The following THSD7A variants were observed in gnomAD, a reference collection of about 807,000 sequenced individuals.
The protein encoded by THSD7A is thrombospondin type-1 domain-containing protein 7A.
A neutral mutation model predicts 231.3 loss-of-function variants in THSD7A; 96 were observed. That is an observed-to-expected ratio of 0.41 (90% CI 0.35 to 0.49). The LOEUF is 0.49. Ranked by LOEUF, THSD7A falls within the 20% of genes least tolerant of loss-of-function variation. The pLI, the probability that THSD7A is intolerant of heterozygous loss-of-function variation, is 0.05. For synonymous variants in THSD7A, 940 were observed against 743.3 expected (o/e 1.26, Z -4.30); for missense variants, 2,290 against 2,070.2 (o/e 1.11, Z -2.06).
At chr7:11,818,640 G>A (rs1784781571) in intron 1 of THSD7A, among the ~76,000 whole-genome samples, 1 of 152,140 alleles carries the variant, frequency 6.6e-6, no homozygotes, top group African/African-American at 2.4e-5. Flanking sequence ...GCAAAGCAAG[G>A]AAAAGTAGAT....
Position 11,637,866 on chromosome 7 carries a change from G to A in THSD7A, c.191-905C>T, listed in dbSNP as rs1282118769. 6.6e-6 allele frequency among the ~76,000 whole-genome samples: 1 copy of A among 152,044 alleles called. No homozygotes were observed. Among genetic ancestry groups the A allele is most frequent in the Non-Finnish European group, 1.5e-5 (1 of 68,036 alleles). On this transcript the variant is annotated intron_variant, in intron 1 of 27. Transcript: ENST00000423059. This position sits in a 1 kb window ranked among gnomAD's most constrained non-coding sequence, Gnocchi z 4.2. The stretch of plus-strand genomic sequence containing the variant: ...TCTAAGGTAGATGATATGATTTTCA[G>A]TACTTTAATAGACAGATCCCAATTT...
At position 11,832,080 on chromosome 7, in the gene THSD7A, GAGGGAGAGCGCGTCTAACACC is replaced by G. The variant is rs1258136895; in HGVS notation, c.-155_-135del. 1.7e-6 allele frequency: 1 copy of G among 574,030 alleles called. No homozygotes were observed. Among genetic ancestry groups the G allele is most frequent in the Admixed American group, 4.7e-5 (1 of 21,262 alleles). The allele number at this position is 574,030 out of a possible 1,614,324, so 35.6% of individuals were successfully genotyped here. On this transcript the variant is annotated 5_prime_UTR_variant, in exon 1 of 28. An upstream open reading frame in the 5' UTR loses its in-frame stop. Transcript: ENST00000423059. ...GCTATTGTTCGCTTCAGATGAGAAG[GAGGGAGAGCGCGTCTAACACC>G]AGGGAACAATAGCGTCCGCGGTGGT...
chr7:11,545,045 AT>A (rs1221125820), intron 4 of THSD7A, among the ~76,000 whole-genome samples: 2 of 152,198 alleles, frequency 1.3e-5, no homozygotes, highest in African/African-American at 4.8e-5. Context: ...CTCTCTGAAT[AT>A]AAAAAACTTG....
At chr7:11,496,943 T>G (rs557934127) in intron 6 of THSD7A, among the ~76,000 whole-genome samples, 2 of 152,242 alleles carry the variant, frequency 1.3e-5, no homozygotes, top group Admixed American at 1.3e-4. Flanking sequence ...AGTCCAGAAA[T>G]TAAGCTATCC....
rs529438445 is a variant in THSD7A, at chr7:11,760,562, C to A, written c.190+71195G>T. On this transcript the variant is annotated intron_variant, in intron 1 of 27. Coordinates refer to ENST00000423059, the MANE Select transcript of THSD7A (RefSeq NM_015204.3). ...TTCTTGTTCGCTGAGCTTCCAGGAA[C>A]AATTGCAGAACACCAGCCTCACAGG... Among the ~76,000 whole-genome samples the A allele has an allele frequency of 1.8e-3, 268 of 152,164 alleles. 2 individuals are homozygous for A. Among genetic ancestry groups the A allele is most frequent in the African/African-American group, 6.1e-3 (254 of 41,524 alleles).
At chr7:11,467,287 T>C (rs952917418) in intron 9 of THSD7A, among the ~76,000 whole-genome samples, 1 of 152,148 alleles carries the variant, frequency 6.6e-6, no homozygotes, top group Non-Finnish European at 1.5e-5. Flanking sequence ...TCTGACATGA[T>C]TATTCCATTC....
rs1583625119 is a variant in THSD7A at position 11,374,454 on chromosome 7, T to A, written c.*1340A>T. 6.6e-6 allele frequency: 1 copy of A among 152,102 alleles called. No homozygotes were observed. Among genetic ancestry groups the A allele is most frequent in the African/African-American group, 2.4e-5 (1 of 41,432 alleles). 9.4% of individuals were successfully genotyped at this position (152,102 alleles called of 1,614,324 possible). A position where few individuals can be genotyped will look rare whatever the true frequency, so the allele number is the denominator to read the frequency against. On this transcript the variant is annotated 3_prime_UTR_variant, in exon 28 of 28. Coordinates refer to ENST00000423059, the MANE Select transcript of THSD7A (RefSeq NM_015204.3). ...TTTGCCAGTGAGAAAGGCAAAAGAC[T>A]ATGGATTTTGAAATAACTGCCTGCA...
At chr7:11,535,673 G>A (rs925882447) in intron 6 of THSD7A, among the ~76,000 whole-genome samples, 20 of 152,082 alleles carry the variant, frequency 1.3e-4, no homozygotes, top group Middle Eastern at 3.4e-3. Flanking sequence ...ATGGAAAAAC[G>A]ATTCAGTTAT....
intron 1 of THSD7A, among the ~76,000 whole-genome samples, chr7:11,802,400 T>A (rs1784301047): frequency 6.6e-6 from 1 of 152,132 alleles, no homozygotes; most frequent in Non-Finnish European, 1.5e-5. Flanking sequence ...ACAACATCTG[T>A]GTGTTGAAGG....
At chr7:11,726,479 T>C (rs908758303) in intron 1 of THSD7A, among the ~76,000 whole-genome samples, 11 of 152,040 alleles carry the variant, frequency 7.2e-5, no homozygotes, top group African/African-American at 2.4e-4. Context: ...GATTTCCCTT[T>C]TGCCCACTTT....
intron 6 of THSD7A, among the ~76,000 whole-genome samples, chr7:11,518,794 C>G (rs1788144586): frequency 6.6e-6 from 1 of 152,018 alleles, no homozygotes; most frequent in African/African-American, 2.4e-5. Context: ...ACAAAATGAA[C>G]ACATGTGAAA....
At chr7:11,535,198 T>C (rs1001708479) in intron 6 of THSD7A, among the ~76,000 whole-genome samples, 8 of 152,150 alleles carry the variant, frequency 5.3e-5, no homozygotes, top group Non-Finnish European at 8.8e-5. Flanking sequence ...TAAAATTATA[T>C]AGAAAATCCT....
chr7:11,502,105 C>G (rs761218821), intron 6 of THSD7A, among the ~76,000 whole-genome samples: 4 of 152,020 alleles, frequency 2.6e-5, no homozygotes, highest in African/African-American at 7.2e-5. Flanking sequence ...TTGAAAAGAC[C>G]AATAATGAGC....
intron 1 of THSD7A, among the ~76,000 whole-genome samples, chr7:11,791,214 C>G (rs897029591): frequency 6.6e-6 from 1 of 151,940 alleles, no homozygotes; most frequent in African/African-American, 2.4e-5. Context: ...TTTGAGATTA[C>G]AGTCTAAAAT....
intron 2 of THSD7A, among the ~76,000 whole-genome samples, chr7:11,595,920 G>A (rs1189991550): frequency 6.6e-6 from 1 of 152,226 alleles, no homozygotes; most frequent in East Asian, 1.9e-4. Context: ...CTCATGTAGA[G>A]CTCTGGCATT....
chr7:11,416,909 G>A (rs774143723), intron 17 of THSD7A, among the ~76,000 whole-genome samples: 1 of 152,156 alleles, frequency 6.6e-6, no homozygotes, highest in Non-Finnish European at 1.5e-5. Flanking sequence ...CAGAGTCAGT[G>A]TGTAAAGAGA....
At position 11,634,435 on chromosome 7, in the gene THSD7A, T is replaced by C. The variant is rs201983828; in HGVS notation, c.1022+1695A>G. On this transcript the variant is annotated intron_variant, in intron 2 of 27. Transcript: ENST00000423059. The surrounding 1 kb of genome is among the most constrained non-coding windows in gnomAD (Gnocchi z 4.1). ...TGATAGCAGGAAACAACTCAACTTG[T>C]CTTGGAGACTCATTCAATTATTTGA... Among the ~76,000 whole-genome samples, 9 of 152,320 alleles carry C rather than the reference T, an allele frequency of 5.9e-5. No homozygotes were observed. The East Asian group carries it at 1.7e-3, about 29-fold the overall frequency.
At chr7:11,733,101 C>T (rs1339699623) in intron 1 of THSD7A, among the ~76,000 whole-genome samples, 1 of 151,800 alleles carries the variant, frequency 6.6e-6, no homozygotes, top group East Asian at 1.9e-4. Context: ...AAGTCAACCC[C>T]ATCTCATGTT....
At chr7:11,540,345 C>G (rs12699205) in intron 6 of THSD7A, among the ~76,000 whole-genome samples, 24,428 of 152,110 alleles carry the variant, frequency 0.16, 1,980 homozygotes, top group Admixed American at 0.18. Context: ...GTCTGTCAGT[C>G]TCCCACACCA....
Sources: gnomAD v4.1 joint callset for allele counts (sites outside exome capture counted in the v4.1 genomes callset) on GRCh38, gnomAD v4.1.1 for gene constraint, Gnocchi (gnomAD v3.1) non-coding constraint, MANE v1.5 for transcripts, NCBI Gene and HGNC (gene_info 2026-07-23, HGNC 2026-07-21) for gene names.